Variants in EXO1 observed in about 807,000 individuals in gnomAD.
EXO1 encodes the protein exonuclease 1.
A neutral mutation model predicts 84.5 loss-of-function variants in EXO1; 69 were observed. That is an observed-to-expected ratio of 0.82 (90% CI 0.67 to 1.00). The LOEUF is 1.00. Ranked by LOEUF, EXO1 falls within the 50% of genes least tolerant of loss-of-function variation. The pLI is 0.00. For synonymous variants in EXO1, 373 were observed against 366.1 expected (o/e 1.02, Z -0.21); for missense variants, 1,045 against 1,000.7 (o/e 1.04, Z -0.60).
rs1026340423 is a variant in EXO1, at chr1:241,879,050, A to G, written c.1816A>G (p.Arg606Gly). 3.1e-6 allele frequency: 5 copies of G among 1,614,250 alleles called. No individual in the cohort carries two copies. The highest frequency in any genetic ancestry group is 4.2e-6 in the Non-Finnish European group (5 of 1,180,048). Residue 606 changes from arginine to glycine, a missense_variant, in exon 13 of 16, where the codon AGA (arginine) becomes GGA (glycine). Transcript: ENST00000366548. ...TISPPTLGTL[R>G]SCFSWSGGLG... The stretch of plus-strand genomic sequence containing the variant: ...TTCACCACCCACTTTGGGAACACTA[A>G]GAAGTTGTTTTAGTTGGTCTGGAGG...
Position 241,857,462 on chromosome 1 carries a change from C to T in EXO1, c.523C>T (p.Leu175=), listed in dbSNP as rs911176364. Residue 175 remains leucine (L), a synonymous_variant, in exon 7 of 16, where the codon CTA becomes TTA. Coordinates refer to ENST00000366548, the MANE Select transcript of EXO1 (RefSeq NM_130398.4). The part of the protein sequence containing the change: ...QAIITEDSDL[L]AFGCKKVILK... Reference sequence around the variant, plus strand: ...CATAATTACAGAGGACTCGGATCTCCTAGCTTTTGGCTGTAAAAAGGTACT... The same window carrying T: ...CATAATTACAGAGGACTCGGATCTCTTAGCTTTTGGCTGTAAAAAGGTACT... The T allele has an allele frequency of 9.3e-6, 15 of 1,613,680 alleles. No homozygotes were observed. The highest frequency in any genetic ancestry group is 1.3e-5 in the Non-Finnish European group (15 of 1,179,938).
intron 11 of EXO1, among the ~76,000 whole-genome samples, chr1:241,870,010 C>T (rs1411277126): frequency 1.3e-5 from 2 of 152,150 alleles, no homozygotes; most frequent in African/African-American, 4.8e-5. Context: ...CGGGGTTTCA[C>T]CATGTTGGCC....
chr1:241,853,371 A>C lies in EXO1; in HGVS notation c.295A>C (p.Asn99His), dbSNP rs1220187751. Residue 99 changes from asparagine to histidine, a missense_variant, in exon 6 of 16, where the codon AAT becomes CAT. Coordinates refer to ENST00000366548, the MANE Select transcript of EXO1 (RefSeq NM_130398.4). Reference protein sequence around the residue: ...ERSRRERRQANLLKGKQLLRE... With the variant: ...ERSRRERRQAHLLKGKQLLRE... ...CTTCCCTTGCAGAAGACGACAAGCC[A>C]ATCTTCTTAAGGGAAAGCAACTTCT... 1.9e-6 allele frequency: 3 copies of C among 1,613,850 alleles called. No individual in the cohort carries two copies. The East Asian group carries it at 6.7e-5, about 36-fold the overall frequency.
At chr1:241,853,593 A>G (rs537162676) in intron 6 of EXO1, 112 bp downstream of exon 6, 239 of 1,107,514 alleles carry the variant, frequency 2.2e-4, no homozygotes, top group Non-Finnish European at 2.9e-4. Flanking sequence ...AACCTCAAGT[A>G]AAGGGCAGAT....
chr1:241,858,934 T>G (rs894645751), intron 8 of EXO1, among the ~76,000 whole-genome samples: 2 of 152,196 alleles, frequency 1.3e-5, no homozygotes, highest in Admixed American at 1.3e-4. Flanking sequence ...TAGTGATTTT[T>G]AAAACAAAGA....
rs752458504 is a variant in EXO1 at position 241,872,087 on chromosome 1, G to C, written c.1323G>C (p.Lys441Asn). The C allele has an allele frequency of 4.2e-5, 67 of 1,613,586 alleles. No homozygotes were observed. The highest frequency in any genetic ancestry group is 2.5e-4 in the East Asian group (11 of 44,870). The change falls in exon 12 of 16, where the codon AAG (lysine) becomes AAC (asparagine). Residue 441 changes from lysine to asparagine, a missense_variant. By Grantham distance (94) the Lys-to-Asn change is moderately conservative. Coordinates refer to ENST00000366548, the MANE Select transcript of EXO1 (RefSeq NM_130398.4). ...AGTATTCTCTTTCATTTACGAAGAA[G>C]ACCAAGAAAAATAGCTCTGAAGGCA... Reference protein sequence around the residue: ...LSQYSLSFTKKTKKNSSEGNK... With the variant: ...LSQYSLSFTKNTKKNSSEGNK...
chr1:241,855,657 C>T (rs956676581), intron 6 of EXO1, among the ~76,000 whole-genome samples: 1 of 152,176 alleles, frequency 6.6e-6, no homozygotes. Flanking sequence ...GAGGCTCGGG[C>T]GGCACAGGAG....
intron 10 of EXO1, among the ~76,000 whole-genome samples, chr1:241,863,571 A>T (rs896957029): frequency 2.6e-5 from 4 of 152,190 alleles, no homozygotes; most frequent in Non-Finnish European, 4.4e-5. Context: ...ATGACCACTA[A>T]CAAACTGGTG....
At chr1:241,849,700 T>C (rs978154641) in intron 3 of EXO1, among the ~76,000 whole-genome samples, 1 of 152,270 alleles carries the variant, frequency 6.6e-6, no homozygotes, top group Non-Finnish European at 1.5e-5. Context: ...ACAAACTGTT[T>C]TGAGTTTCTA....
At chr1:241,856,529 T>TATATATACGTGTGTGTGTATAC (rs1484145350) in intron 6 of EXO1, among the ~76,000 whole-genome samples, 5 of 151,842 alleles carry the variant, frequency 3.3e-5, no homozygotes, top group African/African-American at 1.2e-4. Context: ...TGTGTGTATA[T>TATATATACGTGTGTGTGTATAC]GTATACACAC....
chr1:241,851,555 A>C (rs1181388294), intron 4 of EXO1, among the ~76,000 whole-genome samples: 1 of 152,182 alleles, frequency 6.6e-6, no homozygotes, highest in Non-Finnish European at 1.5e-5. Flanking sequence ...TTGTAAATGC[A>C]GTTGTTTTTG....
chr1:241,882,108 A>G, intron 14 of EXO1, 91 bp downstream of exon 14: 1 of 684,476 alleles, frequency 1.5e-6, no homozygotes, highest in Non-Finnish European at 2.6e-6. Context: ...TTAAAAATCA[A>G]AATACCTGTA....
intron 11 of EXO1, among the ~76,000 whole-genome samples, chr1:241,867,731 C>T (rs1001736639): frequency 3.3e-5 from 5 of 152,152 alleles, no homozygotes; most frequent in Admixed American, 6.5e-5. Flanking sequence ...CAGCTGACCA[C>T]ATATATGTGG....
intron 13 of EXO1, among the ~76,000 whole-genome samples, chr1:241,879,732 C>T (rs1662635341): frequency 6.6e-6 from 1 of 152,084 alleles, no homozygotes; most frequent in South Asian, 2.1e-4. Context: ...GGGCCAGGTG[C>T]GATGGCTCAT....
In EXO1 at chr1:241,889,472, G is replaced by A. The variant is rs762873847; in HGVS notation, c.2413G>A (p.Glu805Lys). The A allele has an allele frequency of 1.9e-6, 3 of 1,613,240 alleles. No homozygotes were observed. The highest frequency in any genetic ancestry group is 1.3e-5 in the African/African-American group (1 of 74,910). The change falls in exon 16 of 16, where the codon GAA becomes AAA. Residue 805 changes from glutamate (E) to lysine (K), a missense_variant. Glu to Lys is a moderately conservative substitution (Grantham distance 56). Coordinates refer to ENST00000366548, the MANE Select transcript of EXO1 (RefSeq NM_130398.4). The part of the protein sequence containing the change: ...WKNFGFKKDS[E>K]KLPPCKKPLS... ...TTTTATTGTATTTTGCAGAGATTCT[G>A]AAAAGCTTCCTCCTTGTAAGAAACC...
rs1002966274 is a variant in EXO1, at chr1:241,860,579, C to T, written c.819C>T (p.Asn273=). Residue 273 remains asparagine, a synonymous_variant, in exon 9 of 16, where the codon AAC becomes AAT. Coordinates refer to ENST00000366548, the MANE Select transcript of EXO1 (RefSeq NM_130398.4). The part of the protein sequence containing the change: ...MNITVPEDYI[N]GFIRANNTFL... ...TCACGGTACCAGAGGATTACATCAA[C>T]GGGTTTATTCGGGCCAACAATACCT... 1.2e-5 allele frequency: 20 copies of T among 1,613,744 alleles called. No individual in the cohort carries two copies. In the Middle Eastern group the frequency reaches 4.9e-4, roughly 40 times the overall value.
chr1:241,873,587 CTGT>C (rs1662236385), intron 12 of EXO1, among the ~76,000 whole-genome samples: 1 of 151,824 alleles, frequency 6.6e-6, no homozygotes, highest in Non-Finnish European at 1.5e-5. Flanking sequence ...GACTGTGGAG[CTGT>C]AATATTAATT....
At chr1:241,861,696 A>G (rs549242942) in intron 10 of EXO1, among the ~76,000 whole-genome samples, 194 bp downstream of exon 10, 1 of 152,298 alleles carries the variant, frequency 6.6e-6, no homozygotes, top group South Asian at 2.1e-4. Context: ...TTAATTTTTT[A>G]AAATTAAGAA....
intron 13 of EXO1, among the ~76,000 whole-genome samples, chr1:241,879,602 G>A (rs1662626313): frequency 6.6e-6 from 1 of 152,148 alleles, no homozygotes; most frequent in Non-Finnish European, 1.5e-5. Flanking sequence ...AGTATCTCAA[G>A]GGGTGCCACA....
Sources: allele counts gnomAD v4.1 joint callset (sites outside exome capture counted in the v4.1 genomes callset), GRCh38; gene constraint gnomAD v4.1.1; transcripts MANE v1.5; gene names NCBI Gene and HGNC (gene_info 2026-07-23, HGNC 2026-07-21).